Variants in BICRA observed in about 807,000 individuals in gnomAD.
BICRA encodes the protein BRD4-interacting chromatin-remodeling complex-associated protein.
In BICRA, 31 loss-of-function variants were observed where a neutral mutation model predicts 96.9. The ratio of observed to expected loss-of-function variants is 0.32; its 90% CI spans 0.24 to 0.43. BICRA has a LOEUF of 0.43. Among genes scored for constraint, BICRA ranks in the 20% least tolerant of loss-of-function variants. BICRA has a pLI of 1.00. For missense variants in BICRA, 2,283 were observed against 2,190.3 expected (o/e 1.04, Z -0.84); for synonymous variants, 1,350 against 1,071.8 (o/e 1.26, Z -5.07).
chr19:47,609,094 C>G (rs1971853747), upstream of BICRA: 2 of 148,550 alleles, frequency 1.3e-5, no homozygotes, highest in African/African-American at 4.9e-5. Context: ...CGGCCGGCCC[C>G]TTCTGGGTCC....
rs1234213895 is a variant in BICRA at position 47,701,436 on chromosome 19, C to T, written c.3704C>T (p.Ser1235Phe). 1 of 1,574,936 alleles carries T rather than the reference C, an allele frequency of 6.3e-7. No homozygotes were observed. Among genetic ancestry groups the T allele is most frequent in the Non-Finnish European group, 8.6e-7 (1 of 1,161,294 alleles). Reference protein sequence around the residue: ...GPLSSSAPGASTQPPPHLPTK... With the variant: ...GPLSSSAPGAFTQPPPHLPTK... ...CTGTCGTCTTCAGCTCCCGGGGCCT[C>T]CACCCAGCCCCCTCCACACCTGCCC... is the stretch of plus-strand genomic sequence containing the variant. The change falls in exon 15 of 15, where the codon TCC becomes TTC. Residue 1235 changes from serine to phenylalanine, a missense_variant. Transcript: ENST00000594866. The surrounding 1 kb of genome is among the most constrained non-coding windows in gnomAD (Gnocchi z 5.4).
intron 1 of BICRA, among the ~76,000 whole-genome samples, chr19:47,666,927 C>T (rs560527461): frequency 2.6e-5 from 4 of 152,142 alleles, no homozygotes; most frequent in South Asian, 2.1e-4. Context: ...CACACAAATC[C>T]GAGCTGTTAA....
At chr19:47,628,779 AT>A (rs959344303) in intron 1 of BICRA, among the ~76,000 whole-genome samples, 7 of 150,406 alleles carry the variant, frequency 4.7e-5, no homozygotes, top group Admixed American at 2.6e-4. Context: ...TAATTTTTGT[AT>A]TTTTTTTTGT....
intron 7 of BICRA, 29 bp from the exon 8 acceptor site, chr19:47,694,086 C>T (rs750498142): frequency 1.6e-5 from 23 of 1,403,926 alleles, no homozygotes; most frequent in Non-Finnish European, 1.9e-5. Context: ...GACCCCCGCC[C>T]CTCCCCTCTC....
intron 1 of BICRA, among the ~76,000 whole-genome samples, chr19:47,619,288 C>G (rs1236306166): frequency 2.1e-5 from 3 of 145,992 alleles, no homozygotes; most frequent in Non-Finnish European, 4.5e-5. Context: ...CTCGCTGTTT[C>G]GCTCTGTCCC....
intron 5 of BICRA, among the ~76,000 whole-genome samples, chr19:47,677,269 G>A (rs1191251073): frequency 6.6e-6 from 1 of 152,202 alleles, no homozygotes; most frequent in Non-Finnish European, 1.5e-5. Flanking sequence ...ATTTTGATGG[G>A]TTATCTGGTC....
In BICRA at chr19:47,685,928, C is replaced by T. The variant is rs548271242; in HGVS notation, c.2283+3776C>T. Reference sequence around the variant, plus strand: ...CAGACCTTTTTTTTTCCTTGACCCACCACCCGGGATAAGAATTTGTTTTTT... The same window carrying T: ...CAGACCTTTTTTTTTCCTTGACCCATCACCCGGGATAAGAATTTGTTTTTT... On this transcript the variant is annotated intron_variant, in intron 7 of 14. Transcript: ENST00000594866. 9.2e-5 allele frequency among the ~76,000 whole-genome samples: 14 copies of T among 152,020 alleles called. No homozygotes were observed. The South Asian group carries it at 2.9e-3, about 32-fold the overall frequency.
chr19:47,701,818 G>A lies in BICRA; in HGVS notation c.4086G>A (p.Thr1362=), dbSNP rs529128480. The part of the protein sequence containing the change: ...PPPPTGQMNG[T]VDHPPPAAPE... ...CGCCCACGGGCCAGATGAACGGCAC[G>A]GTGGACCACCCGCCGCCTGCCGCCC... The change falls in exon 15 of 15, where the codon ACG becomes ACA. Residue 1362 remains threonine, a synonymous_variant. Transcript: ENST00000594866. This position sits in a 1 kb window ranked among gnomAD's most constrained non-coding sequence, Gnocchi z 5.4. The A allele has an allele frequency of 1.4e-5, 21 of 1,532,700 alleles. No individual in the cohort carries two copies. The highest frequency in any genetic ancestry group is 2.0e-4 in the Middle Eastern group (1 of 5,044). 94.9% of individuals were successfully genotyped at this position (1,532,700 alleles called of 1,614,324 possible).
Position 47,699,456 on chromosome 19 carries a change from C to CG in BICRA, c.3595+51_3595+52insG. The CG allele has an allele frequency of 9.6e-7, 1 of 1,046,362 alleles. No individual in the cohort carries two copies. The highest frequency in any genetic ancestry group is 1.5e-6 in the Non-Finnish European group (1 of 687,400). 64.8% of individuals were successfully genotyped at this position (1,046,362 alleles called of 1,614,324 possible). On this transcript the variant is annotated intron_variant, in intron 14 of 14. Coordinates refer to ENST00000594866, the MANE Select transcript of BICRA (RefSeq NM_001394372.1). The surrounding 1 kb of genome is among the most constrained non-coding windows in gnomAD (Gnocchi z 5.0). ...GGGAGGGAGAGGTGCCCCCACCCCACCTGGGCAGAAGAGTTAGATTCAGGG... is the reference window on the plus strand; with the variant it reads ...GGGAGGGAGAGGTGCCCCCACCCCACGCTGGGCAGAAGAGTTAGATTCAGGG...
intron 4 of BICRA, 135 bp downstream of exon 4, chr19:47,673,897 C>T (rs565461921): frequency 1.3e-5 from 10 of 768,278 alleles, no homozygotes; most frequent in South Asian, 5.9e-5. Flanking sequence ...ACTGGAGTTA[C>T]GGCCATGAGC....
In BICRA at chr19:47,696,434, C is replaced by T. The variant is rs770929726; in HGVS notation, c.3187-17C>T. ...CTTCTGGAGGCAAAGGCCTCTCACT[C>T]GCCTTTCTTCTCCCAGTATGAGAGC... On this transcript the variant is annotated splice_polypyrimidine_tract_variant and intron_variant, in intron 10 of 14. Coordinates refer to ENST00000594866, the MANE Select transcript of BICRA (RefSeq NM_001394372.1). The T allele has an allele frequency of 7.0e-6, 11 of 1,581,392 alleles. No homozygotes were observed. The highest frequency in any genetic ancestry group is 2.3e-5 in the South Asian group (2 of 86,244).
rs201151265 is a variant in BICRA, at chr19:47,680,772, C to T, written c.1602C>T (p.Ser534=). 1.8e-5 allele frequency: 29 copies of T among 1,610,002 alleles called. No individual in the cohort carries two copies. Among genetic ancestry groups the T allele is most frequent in the Middle Eastern group, 1.6e-4 (1 of 6,070 alleles). The change falls in exon 6 of 15, where the codon TCC becomes TCT. Residue 534 remains serine, a synonymous_variant. Coordinates refer to ENST00000594866, the MANE Select transcript of BICRA (RefSeq NM_001394372.1). ...LSLGPVLAPH[S]GAHSAHILSA... is the part of the protein sequence containing the mutation. ...TGGGCCCCGTGTTGGCCCCCCACTCCGGGGCCCACAGCGCGCACATCCTCT... is the reference window on the plus strand; with the variant it reads ...TGGGCCCCGTGTTGGCCCCCCACTCTGGGGCCCACAGCGCGCACATCCTCT...
chr19:47,641,579 G>T (rs938104098), intron 1 of BICRA, among the ~76,000 whole-genome samples: 13 of 152,116 alleles, frequency 8.5e-5, no homozygotes, highest in African/African-American at 3.1e-4. Context: ...GAGCCCAGCA[G>T]TTGGAGCTAT....
In BICRA at chr19:47,679,456, G is replaced by C; in HGVS notation, c.286G>C (p.Gly96Arg). Residue 96 changes from glycine to arginine, a missense_variant, in exon 6 of 15, where the codon GGC (glycine) becomes CGC (arginine). Gly to Arg is a moderately radical substitution (Grantham distance 125). Coordinates refer to ENST00000594866, the MANE Select transcript of BICRA (RefSeq NM_001394372.1). ...ATGGGGGGSG[G>R]ADQPCDILQQ... ...AGGGGGCGGCGGCGGGGGCAGTGGG[G>C]GCGCTGACCAGCCCTGTGACATCCT... 1 of 1,512,654 alleles carries C rather than the reference G, an allele frequency of 6.6e-7. No individual in the cohort carries two copies. The highest frequency in any genetic ancestry group is 8.8e-7 in the Non-Finnish European group (1 of 1,130,086). 93.7% of individuals were successfully genotyped at this position (1,512,654 alleles called of 1,614,324 possible). A position where few individuals can be genotyped will look rare whatever the true frequency, so the allele number is the denominator to read the frequency against.
intron 5 of BICRA, among the ~76,000 whole-genome samples, chr19:47,677,659 C>T (rs540560073): frequency 1.3e-5 from 2 of 152,310 alleles, no homozygotes; most frequent in East Asian, 1.9e-4. Context: ...CACACCATTG[C>T]ACTCCAGCCT....
chr19:47,657,444 T>G (rs1240359923), intron 1 of BICRA, among the ~76,000 whole-genome samples: 1 of 151,680 alleles, frequency 6.6e-6, no homozygotes, highest in East Asian at 1.9e-4. Context: ...TCGCCCAGGC[T>G]GGAGTGCAGT....
At position 47,702,721 on chromosome 19, in the gene BICRA, A is replaced by C. The variant is rs1262723961; in HGVS notation, c.*306A>C. 9.6e-6 allele frequency: 4 copies of C among 416,148 alleles called. No individual in the cohort carries two copies. The highest frequency in any genetic ancestry group is 9.7e-5 in the Admixed American group (2 of 20,594). 25.8% of individuals were successfully genotyped at this position (416,148 alleles called of 1,614,324 possible). On this transcript the variant is annotated 3_prime_UTR_variant, in exon 15 of 15. Transcript: ENST00000594866. ...CACTCTGCCCCTCTGTCCGGGGGACACGCGCATGTGTTTGCCAGGGATGGG... is the reference window on the plus strand; with the variant it reads ...CACTCTGCCCCTCTGTCCGGGGGACCCGCGCATGTGTTTGCCAGGGATGGG...
intron 1 of BICRA, among the ~76,000 whole-genome samples, chr19:47,626,560 C>T (rs888794348): frequency 1.4e-5 from 2 of 147,080 alleles, no homozygotes; most frequent in East Asian, 3.9e-4. Context: ...CCATGGCCCG[C>T]TAATTTTTTG....
chr19:47,683,263 C>T (rs1024288706), intron 7 of BICRA, among the ~76,000 whole-genome samples: 1 of 152,068 alleles, frequency 6.6e-6, no homozygotes, highest in Non-Finnish European at 1.5e-5. Flanking sequence ...TGTGGTTGTG[C>T]CTTTTTTCCC....
Sources: gnomAD v4.1 joint callset for allele counts (sites outside exome capture counted in the v4.1 genomes callset) on GRCh38, gnomAD v4.1.1 for gene constraint, Gnocchi (gnomAD v3.1) non-coding constraint, MANE v1.5 for transcripts, NCBI Gene and HGNC (gene_info 2026-07-23, HGNC 2026-07-21) for gene names.